Variants in CLOCK observed in about 807,000 individuals in gnomAD.
The protein encoded by CLOCK is circadian locomoter output cycles protein kaput.
In CLOCK, 43 loss-of-function variants were observed where a neutral mutation model predicts 118.4. The observed-to-expected ratio is 0.36, with a 90% CI of 0.28 to 0.47. The LOEUF is 0.47. Ranked by LOEUF, CLOCK falls within the 20% of genes least tolerant of loss-of-function variation. The pLI is 1.00. For synonymous variants in CLOCK, 326 were observed against 339.2 expected, an observed-to-expected ratio of 0.96 and a Z score of 0.43; for missense variants, 846 against 999.9, an observed-to-expected ratio of 0.85 and a Z score of 2.08.
At chr4:55,513,261 TA>T (rs1729278892) in intron 1 of CLOCK, among the ~76,000 whole-genome samples, 1 of 152,174 alleles carries the variant, frequency 6.6e-6, no homozygotes, top group African/African-American at 2.4e-5. Flanking sequence ...AAATTACCTA[TA>T]GTATTCACTA....
rs1048004 is a variant in CLOCK at position 55,434,042 on chromosome 4, C to A, written c.*1373G>T. 0.25 allele frequency: 37,610 copies of A among 152,430 alleles called. 4,976 individuals are homozygous for A. The highest frequency in any genetic ancestry group is 0.37 in the South Asian group (1,787 of 4,806). The allele number at this position is 152,430 out of a possible 1,614,324, so 9.4% of individuals were successfully genotyped here. On this transcript the variant is annotated 3_prime_UTR_variant, in exon 23 of 23. Transcript: ENST00000513440. ...ATCTTTTATTTCTAAATTATTTGTA[C>A]CTCCAGTCCAAGAGACTGATAGCAG...
At chr4:55,458,203 G>C (rs1033251375) in intron 11 of CLOCK, among the ~76,000 whole-genome samples, 4 of 152,140 alleles carry the variant, frequency 2.6e-5, no homozygotes, top group Non-Finnish European at 5.9e-5. Context: ...TGAGACCACA[G>C]GTGTGTAACA....
intron 1 of CLOCK, among the ~76,000 whole-genome samples, chr4:55,515,291 G>A (rs550053313): frequency 5.3e-5 from 8 of 152,226 alleles, no homozygotes; most frequent in African/African-American, 1.7e-4. Flanking sequence ...CTAGCTGGAA[G>A]CACATCAATT....
chr4:55,456,646 A>G (rs532097004), intron 11 of CLOCK, among the ~76,000 whole-genome samples: 19 of 152,076 alleles, frequency 1.2e-4, no homozygotes, highest in Non-Finnish European at 2.4e-4. Context: ...AACTTTTCCT[A>G]AACAAGTTAG....
intron 1 of CLOCK, chr4:55,546,390 G>C (rs1483116392): frequency 6.6e-6 from 1 of 152,562 alleles, no homozygotes; most frequent in Admixed American, 6.5e-5. Flanking sequence ...CGCCAAACTT[G>C]GGCTTCAGCT....
chr4:55,498,940 G>C (rs1402265069), intron 2 of CLOCK, among the ~76,000 whole-genome samples: 3 of 152,098 alleles, frequency 2.0e-5, no homozygotes, highest in African/African-American at 7.2e-5. Context: ...TCATCTTTAA[G>C]CTCACTGACT....
chr4:55,528,004 C>A (rs1730314509), intron 1 of CLOCK, among the ~76,000 whole-genome samples: 1 of 151,234 alleles, frequency 6.6e-6, no homozygotes, highest in African/African-American at 2.4e-5. Context: ...TGCACTTCAG[C>A]CTGAGCAACA....
At chr4:55,469,550 T>C (rs1055083569) in intron 8 of CLOCK, among the ~76,000 whole-genome samples, 9 of 152,152 alleles carry the variant, frequency 5.9e-5, no homozygotes, top group Non-Finnish European at 1.3e-4. Context: ...TGGAGGACAG[T>C]GATGTTGATG....
chr4:55,503,978 T>TAAAAGAAAAAAAAAAAAAAAA lies in CLOCK; in HGVS notation c.-136+5933_-136+5934insTTTTTTTTTTTTTTTTCTTTT, dbSNP rs1553900254. On this transcript the variant is annotated intron_variant, in intron 2 of 22. Transcript: ENST00000513440. ...ACAGTTTCTATTTGGCAAAAAGAGG[T>TAAAAGAAAAAAAAAAAAAAAA]AAAAAAAAAAAAAAAAAAAAAAAAA... is the stretch of plus-strand genomic sequence containing the variant. Among the ~76,000 whole-genome samples, 58 of 71,132 alleles carry TAAAAGAAAAAAAAAAAAAAAA rather than the reference T, an allele frequency of 8.2e-4. 6 individuals carry two copies. The highest frequency in any genetic ancestry group is 4.7e-3 in the East Asian group (9 of 1,896). The allele number at this position is 71,132 out of a possible 152,430, so 46.7% of individuals were successfully genotyped here. A position where few individuals can be genotyped will look rare whatever the true frequency, so the allele number is the denominator to read the frequency against.
intron 8 of CLOCK, among the ~76,000 whole-genome samples, chr4:55,467,324 T>A (rs1194232623): frequency 1.3e-5 from 2 of 152,154 alleles, no homozygotes; most frequent in East Asian, 3.8e-4. Context: ...TGAGTGACGC[T>A]CCAAGGAACT....
At position 55,444,767 on chromosome 4, in the gene CLOCK, A is replaced by C; in HGVS notation, c.1558T>G (p.Leu520Val). The C allele has an allele frequency of 6.2e-7, 1 of 1,614,018 alleles. No individual in the cohort carries two copies. The highest frequency in any genetic ancestry group is 8.5e-7 in the Non-Finnish European group (1 of 1,179,964). ...GMSQFQFSAQLGAMQHLKDQL... is the reference protein window; with the variant it reads ...GMSQFQFSAQVGAMQHLKDQL... Reference sequence around the variant, plus strand: ...TCTTTCAGATGTTGCATGGCTCCTAATTGAGCTGAAAACTGAAACTGAAGT... The same window carrying C: ...TCTTTCAGATGTTGCATGGCTCCTACTTGAGCTGAAAACTGAAACTGAAGT... Residue 520 changes from leucine to valine, a missense_variant, in exon 19 of 23, where the codon TTA (leucine) becomes GTA (valine). Around this residue, in one of 4 missense-constraint regions of CLOCK, gnomAD observed 520 missense variants for 558.0 expected, o/e 0.93. Coordinates refer to ENST00000513440, the MANE Select transcript of CLOCK (RefSeq NM_004898.4).
At position 55,450,130 on chromosome 4, in the gene CLOCK, A is replaced by C. The variant is rs148913372; in HGVS notation, c.1309T>G (p.Ser437Ala). The C allele has an allele frequency of 4.3e-6, 7 of 1,614,124 alleles. No homozygotes were observed. Among genetic ancestry groups the C allele is most frequent in the Non-Finnish European group, 3.4e-6 (4 of 1,180,006 alleles). The change falls in exon 16 of 23, where the codon TCA (serine) becomes GCA (alanine). Residue 437 changes from serine (S) to alanine (A), a missense_variant. This residue lies in a region of CLOCK where 520 missense variants were observed against 558.0 expected (regional missense o/e 0.93). Coordinates refer to ENST00000513440, the MANE Select transcript of CLOCK (RefSeq NM_004898.4). Reference sequence around the variant, plus strand: ...ACGGCCGTGTGAGATGATTTTCTTGAACTCCGAGAAGAGGCAGAAGGGGTT... The same window carrying C: ...ACGGCCGTGTGAGATGATTTTCTTGCACTCCGAGAAGAGGCAGAAGGGGTT... ...SPTPSASSRSSRKSSHTAVSD... is the reference protein window; with the variant it reads ...SPTPSASSRSARKSSHTAVSD...
chr4:55,438,601 G>A (rs1723086306), intron 21 of CLOCK, 64 bp from the exon 22 acceptor site: 1 of 1,609,580 alleles, frequency 6.2e-7, no homozygotes, highest in African/African-American at 1.3e-5. Flanking sequence ...ATAAAACGCA[G>A]TGGAGTAAAT....
intron 9 of CLOCK, among the ~76,000 whole-genome samples, chr4:55,463,253 ATTTATC>A (rs1725499216): frequency 2.0e-5 from 3 of 152,194 alleles, no homozygotes; most frequent in South Asian, 4.1e-4. Context: ...AAAGTAGATA[ATTTATC>A]TTTATATTTA....
chr4:55,523,048 C>T (rs1211301790), intron 1 of CLOCK, among the ~76,000 whole-genome samples: 1 of 152,090 alleles, frequency 6.6e-6, no homozygotes, highest in East Asian at 1.9e-4. Flanking sequence ...GTAATCCCAG[C>T]ACTTTGGGAG....
intron 1 of CLOCK, among the ~76,000 whole-genome samples, chr4:55,542,808 C>T (rs530474291): frequency 6.6e-6 from 1 of 152,182 alleles, no homozygotes; most frequent in Admixed American, 6.5e-5. Context: ...ATCTACGAGG[C>T]TTTCGTAGGA....
chr4:55,458,480 T>C (rs1725075877), intron 11 of CLOCK, among the ~76,000 whole-genome samples: 1 of 152,072 alleles, frequency 6.6e-6, no homozygotes, highest in East Asian at 1.9e-4. Flanking sequence ...GAAATAAAAA[T>C]AAAATACCTA....
At position 55,501,081 on chromosome 4, in the gene CLOCK, T is replaced by G. The variant is rs762836057; in HGVS notation, c.-136+8831A>C. Among the ~76,000 whole-genome samples, 45 of 152,176 alleles carry G rather than the reference T, an allele frequency of 3.0e-4. 1 individual carries two copies. Among genetic ancestry groups the G allele is most frequent in the Non-Finnish European group, 1.0e-4 (7 of 68,030 alleles). ...GTTGCCCAGGCTGATCTCAAACTAC[T>G]GAGCTCAAGCAATCCTCCCACCTCA... On this transcript the variant is annotated intron_variant, in intron 2 of 22. Coordinates refer to ENST00000513440, the MANE Select transcript of CLOCK (RefSeq NM_004898.4).
At chr4:55,446,869 C>T (rs3805150) in intron 18 of CLOCK, among the ~76,000 whole-genome samples, 51,390 of 151,930 alleles carry the variant, frequency 0.34, 9,391 homozygotes, top group East Asian at 0.58. Context: ...GAAATGTCCT[C>T]CCCATCCAAA....
Sources: allele counts gnomAD v4.1 joint callset (sites outside exome capture counted in the v4.1 genomes callset), GRCh38; gene constraint gnomAD v4.1.1; regional missense constraint gnomAD v4.1.1; transcripts MANE v1.5; gene names NCBI Gene and HGNC (gene_info 2026-07-23, HGNC 2026-07-21).